NSMCE1: variants seen among roughly 807,000 people sequenced by gnomAD.
NSMCE1 encodes the protein non-structural maintenance of chromosomes element 1 homolog.
NSMCE1 carries 18 observed loss-of-function variants against 29.6 expected under a neutral mutation model. That is an observed-to-expected ratio of 0.61 (90% CI 0.42 to 0.90). The LOEUF (loss-of-function observed/expected upper bound fraction) is 0.90, where lower values mean the gene tolerates loss of function less well. Among genes scored for constraint, NSMCE1 ranks in the 40% least tolerant of loss-of-function variants. NSMCE1 has a pLI of 0.00. For missense variants in NSMCE1, 314 were observed against 343.6 expected (o/e 0.91, Z 0.68); for synonymous variants, 124 against 133.4 (o/e 0.93, Z 0.49).
chr16:27,226,435 GCAGGTTGCA>G lies in NSMCE1; in HGVS notation c.600+276_600+284del, dbSNP rs2140983634. 3 of 390,288 alleles carry G rather than the reference GCAGGTTGCA, an allele frequency of 7.7e-6. No homozygotes were observed. The East Asian group carries it at 1.4e-4, about 18-fold the overall frequency. The allele number at this position is 390,288 out of a possible 1,614,324, so 24.2% of individuals were successfully genotyped here. ...CTCACTACAAAACTACCAAGATGAT[GCAGGTTGCA>G]CAGAACACTCAGCCTTCCTGAGAAA... is the stretch of plus-strand genomic sequence containing the variant. On this transcript the variant is annotated intron_variant, in intron 6 of 7. Coordinates refer to ENST00000361439, the MANE Select transcript of NSMCE1 (RefSeq NM_145080.4).
chr16:27,257,836 T>C (rs1400117853), intron 1 of NSMCE1, among the ~76,000 whole-genome samples: 1 of 152,138 alleles, frequency 6.6e-6, no homozygotes, highest in Non-Finnish European at 1.5e-5. Flanking sequence ...GCGTGTGAGA[T>C]TGAGCAACTT....
At chr16:27,261,104 T>C (rs1341362416) in intron 1 of NSMCE1, among the ~76,000 whole-genome samples, 5 of 147,618 alleles carry the variant, frequency 3.4e-5, no homozygotes, top group Non-Finnish European at 7.4e-5. Context: ...GAGGCAGAGG[T>C]TGCAGCGAGC....
At chr16:27,261,203 CA>C (rs1450343387) in intron 1 of NSMCE1, among the ~76,000 whole-genome samples, 1 of 139,404 alleles carries the variant, frequency 7.2e-6, no homozygotes, top group Non-Finnish European at 1.6e-5. Flanking sequence ...AAAAGAACTA[CA>C]AATTAAATCC....
chr16:27,250,020 T>C (rs529561934), intron 2 of NSMCE1, among the ~76,000 whole-genome samples: 14 of 152,392 alleles, frequency 9.2e-5, no homozygotes, highest in African/African-American at 2.9e-4. Context: ...TTTTTAATGT[T>C]ATTATAAATG....
At position 27,228,867 on chromosome 16, in the gene NSMCE1, C is replaced by T. The variant is rs2083733448; in HGVS notation, c.484-2031G>A. On this transcript the variant is annotated intron_variant, in intron 5 of 7. Coordinates refer to ENST00000361439, the MANE Select transcript of NSMCE1 (RefSeq NM_145080.4). ...AGATGCATCATGGTACCCCACATCC[C>T]CGGCCACCGCCCTCTTCCACCCTCC... Among the ~76,000 whole-genome samples the T allele has an allele frequency of 2.0e-5, 3 of 151,122 alleles. No homozygotes were observed. The South Asian group carries it at 6.3e-4, about 32-fold the overall frequency.
intron 2 of NSMCE1, among the ~76,000 whole-genome samples, chr16:27,239,819 A>C (rs112385375): frequency 3.1e-4 from 47 of 152,304 alleles, no homozygotes; most frequent in African/African-American, 1.1e-3. Context: ...TAAACCTCTA[A>C]ACACAGTGCT....
intron 2 of NSMCE1, chr16:27,241,254 T>C (rs2083890285): frequency 6.6e-6 from 1 of 152,184 alleles, no homozygotes; most frequent in South Asian, 2.1e-4. Flanking sequence ...AGTTTTGTTC[T>C]AAACTAGGCA....
chr16:27,235,367 G>A (rs1262144540), intron 2 of NSMCE1, 68 bp from the exon 3 acceptor site: 6 of 1,569,716 alleles, frequency 3.8e-6, no homozygotes, highest in African/African-American at 1.4e-5. Flanking sequence ...TAGCTTGCTT[G>A]AATCATTCCA....
At chr16:27,238,221 TC>T (rs1270312611) in intron 2 of NSMCE1, among the ~76,000 whole-genome samples, 1 of 152,020 alleles carries the variant, frequency 6.6e-6, no homozygotes, top group African/African-American at 2.4e-5. Context: ...CGTGAGCCTC[TC>T]CCCCACTTCT....
At chr16:27,267,380 C>G (rs965551927) in intron 1 of NSMCE1, among the ~76,000 whole-genome samples, 4 of 152,156 alleles carry the variant, frequency 2.6e-5, no homozygotes, top group Admixed American at 1.3e-4. Flanking sequence ...ACCTTATGAG[C>G]AAAGGGTCAC....
intron 2 of NSMCE1, among the ~76,000 whole-genome samples, chr16:27,240,206 A>G (rs755661419): frequency 6.6e-6 from 1 of 152,192 alleles, no homozygotes; most frequent in Non-Finnish European, 1.5e-5. Flanking sequence ...CCCCACCGTC[A>G]TCTCGTCTAT....
chr16:27,264,863 C>T (rs570857435), intron 1 of NSMCE1, among the ~76,000 whole-genome samples: 1 of 152,166 alleles, frequency 6.6e-6, no homozygotes, highest in Admixed American at 6.5e-5. Flanking sequence ...GCATTTAAAA[C>T]AAACATAAGC....
At chr16:27,258,618 C>G (rs2084113218) in intron 1 of NSMCE1, among the ~76,000 whole-genome samples, 1 of 152,130 alleles carries the variant, frequency 6.6e-6, no homozygotes, top group African/African-American at 2.4e-5. Flanking sequence ...CTCTTCACCT[C>G]TAAAACTGGG....
intron 2 of NSMCE1, among the ~76,000 whole-genome samples, chr16:27,251,159 AATATATATAT>A (rs1166070119): frequency 4.6e-5 from 3 of 65,778 alleles, no homozygotes; most frequent in South Asian, 5.2e-4. Context: ...AATTATTTAA[AATATATATAT>A]ATATATATAT....
In NSMCE1 at chr16:27,240,079, T is replaced by C. The variant is rs544724233; in HGVS notation, c.137-4780A>G. Among the ~76,000 whole-genome samples the C allele has an allele frequency of 3.3e-5, 5 of 152,320 alleles. No individual in the cohort carries two copies. The East Asian group carries it at 9.7e-4, about 29-fold the overall frequency. The stretch of plus-strand genomic sequence containing the variant: ...GGAGAGGTTAACAACTTGCTCATAG[T>C]TTCCGTAACTTGGAAGGAAATGGAG... On this transcript the variant is annotated intron_variant, in intron 2 of 7. Coordinates refer to ENST00000361439, the MANE Select transcript of NSMCE1 (RefSeq NM_145080.4).
intron 2 of NSMCE1, among the ~76,000 whole-genome samples, chr16:27,255,678 C>T (rs759201660): frequency 6.6e-5 from 10 of 152,198 alleles, no homozygotes; most frequent in Non-Finnish European, 1.3e-4. Flanking sequence ...CTCCGTCTAA[C>T]ACGCCACCTT....
chr16:27,240,412 C>T (rs2083880476), intron 2 of NSMCE1, among the ~76,000 whole-genome samples: 2 of 151,948 alleles, frequency 1.3e-5, no homozygotes, highest in Admixed American at 6.6e-5. Context: ...CTCAGACCAG[C>T]CCAGCATCCA....
intron 1 of NSMCE1, among the ~76,000 whole-genome samples, chr16:27,265,548 G>A (rs1485646349): frequency 6.6e-6 from 1 of 152,062 alleles, no homozygotes; most frequent in Non-Finnish European, 1.5e-5. Context: ...CTACTATTAG[G>A]TATATACCTT....
intron 2 of NSMCE1, among the ~76,000 whole-genome samples, chr16:27,257,009 C>A (rs942801282): frequency 6.6e-6 from 1 of 152,178 alleles, no homozygotes; most frequent in East Asian, 1.9e-4. Flanking sequence ...GCCACCGCAC[C>A]CAGCCAAGCT....
Sources: gnomAD v4.1 joint callset for allele counts (sites outside exome capture counted in the v4.1 genomes callset) on GRCh38, gnomAD v4.1.1 for gene constraint, MANE v1.5 for transcripts, NCBI Gene and HGNC (gene_info 2026-07-23, HGNC 2026-07-21) for gene names.